The following IL4I1 variants were observed in gnomAD, a reference collection of about 807,000 sequenced individuals.
IL4I1 encodes the protein interleukin 4 induced 1.
A neutral mutation model predicts 29.7 loss-of-function variants in IL4I1; 24 were observed. The ratio of observed to expected loss-of-function variants is 0.81; its 90% CI spans 0.59 to 1.14. The LOEUF is 1.14. IL4I1 is among the 50% of genes most tolerant of loss of function. The pLI is 0.00. For missense variants in IL4I1, 686 were observed against 785.6 expected (o/e 0.87, Z 1.52); for synonymous variants, 371 against 352.5 (o/e 1.05, Z -0.59).
At chr19:49,910,412 C>T (rs865807265) in intron 2 of IL4I1, among the ~76,000 whole-genome samples, 15 of 152,222 alleles carry the variant, frequency 9.9e-5, no homozygotes, top group African/African-American at 3.4e-4. Context: ...CAGGCCCACA[C>T]CTGCACTCTC....
At chr19:49,911,530 G>A (rs943797046) in intron 2 of IL4I1, among the ~76,000 whole-genome samples, 1 of 152,042 alleles carries the variant, frequency 6.6e-6, no homozygotes, top group African/African-American at 2.4e-5. Context: ...TTGAGTAAGA[G>A]GCAACCTATC....
At chr19:49,919,838 TG>T (rs1216928637) in intron 2 of IL4I1, among the ~76,000 whole-genome samples, 2 of 152,230 alleles carry the variant, frequency 1.3e-5, no homozygotes, top group African/African-American at 2.4e-5. Context: ...AGGAATACTC[TG>T]GTGCCAAGGC....
At chr19:49,898,984 G>A (rs1413269818), upstream of IL4I1, among the ~76,000 whole-genome samples, 2 of 152,262 alleles carry the variant, frequency 1.3e-5, no homozygotes, top group Non-Finnish European at 2.9e-5. Flanking sequence ...GGGGCACAGA[G>A]AGGGGAAAAG....
At chr19:49,896,315 G>T (rs1269129423) in intron 1 of IL4I1, 133 bp from the exon 2 acceptor site, 2 of 1,130,528 alleles carry the variant, frequency 1.8e-6, no homozygotes, top group Non-Finnish European at 2.5e-6. Context: ...CTGGACCTGT[G>T]TCCCCTAACC....
intron 2 of IL4I1, among the ~76,000 whole-genome samples, chr19:49,910,463 A>G (rs1431826314): frequency 6.6e-6 from 1 of 152,098 alleles, no homozygotes; most frequent in Non-Finnish European, 1.5e-5. Flanking sequence ...CTCCTAACTC[A>G]GGGGAGGGTC....
chr19:49,916,499 C>T (rs1438967933), intron 2 of IL4I1, among the ~76,000 whole-genome samples: 18 of 150,824 alleles, frequency 1.2e-4, no homozygotes, highest in Admixed American at 7.9e-4. Context: ...TTAGGCCAGG[C>T]GCGGTGGCTC....
chr19:49,894,310 C>G lies in IL4I1; in HGVS notation c.525G>C (p.Lys175Asn), dbSNP rs1568685792. 6.2e-7 allele frequency: 1 copy of G among 1,614,194 alleles called. No individual in the cohort carries two copies. The highest frequency in any genetic ancestry group is 8.5e-7 in the Non-Finnish European group (1 of 1,180,026). Residue 175 changes from lysine (K) to asparagine (N), a missense_variant, in exon 5 of 8, where the codon AAG becomes AAC. Transcript: ENST00000391826. ...GGTAGATGTCTTCGGGCGAGTGGCC[C>G]TTTTCCTGGGGACGCAAGGCGTAGC... is the stretch of plus-strand genomic sequence containing the variant. ...KLGYALRPQE[K>N]GHSPEDIYQM...
chr19:49,919,299 C>G (rs2075707024), intron 2 of IL4I1, among the ~76,000 whole-genome samples: 1 of 152,230 alleles, frequency 6.6e-6, no homozygotes, highest in Admixed American at 6.5e-5. Context: ...TGCTGTTGCA[C>G]ATCTTTGCAG....
chr19:49,907,198 A>G (rs571708629), intron 2 of IL4I1: 76 of 216,984 alleles, frequency 3.5e-4, no homozygotes, highest in African/African-American at 1.8e-3. Flanking sequence ...CTAGCACAGG[A>G]TAGCATAACA....
In IL4I1 at chr19:49,895,261, C is replaced by T. The variant is rs574207916; in HGVS notation, c.253-81G>A. The T allele has an allele frequency of 3.0e-4, 343 of 1,134,406 alleles. 4 individuals carry two copies. The South Asian group carries it at 4.4e-3, about 15-fold the overall frequency. 70.3% of individuals were successfully genotyped at this position (1,134,406 alleles called of 1,614,324 possible). A position where few individuals can be genotyped will look rare whatever the true frequency, so the allele number is the denominator to read the frequency against. The stretch of plus-strand genomic sequence containing the variant: ...CTGCCCTCTACCACCCCGTGCCAGC[C>T]CCCTGCCTTCTTCCATCCCCACAGT... On this transcript the variant is annotated intron_variant, in intron 3 of 7. Transcript: ENST00000391826.
At chr19:49,909,505 G>A (rs776009657) in intron 2 of IL4I1, 4 of 1,614,158 alleles carry the variant, frequency 2.5e-6, no homozygotes, top group Non-Finnish European at 3.4e-6. Flanking sequence ...TGGCAGCTGT[G>A]TTGCTCAAGT....
intron 2 of IL4I1, among the ~76,000 whole-genome samples, chr19:49,912,167 T>A (rs1247890733): frequency 5.4e-5 from 1 of 18,534 alleles, no homozygotes; most frequent in Non-Finnish European, 1.6e-4. Context: ...ACAGTTCACC[T>A]TTTTTTTTTT....
upstream of IL4I1, among the ~76,000 whole-genome samples, chr19:49,898,961 A>G (rs913638959): frequency 5.3e-5 from 8 of 152,328 alleles, no homozygotes; most frequent in Middle Eastern, 3.4e-3. Flanking sequence ...AGAGGGTGGG[A>G]CAGGAGGACC....
Position 49,891,266 on chromosome 19 carries a change from G to A in IL4I1, c.636+139C>T. The A allele has an allele frequency of 2.1e-6, 3 of 1,400,484 alleles. No homozygotes were observed. The South Asian group carries it at 3.8e-5, about 18-fold the overall frequency. 86.8% of individuals were successfully genotyped at this position (1,400,484 alleles called of 1,614,324 possible). On this transcript the variant is annotated intron_variant, in intron 6 of 7. Coordinates refer to ENST00000391826, the MANE Select transcript of IL4I1 (RefSeq NM_152899.2). ...GAGGGAAACGGAGGTCCAGACAGGGGGCGTGTCCAGCCCCCGGGTCAGGCA... is the reference window on the plus strand; with the variant it reads ...GAGGGAAACGGAGGTCCAGACAGGGAGCGTGTCCAGCCCCCGGGTCAGGCA...
At chr19:49,914,730 T>TTTG (rs2075577957) in intron 2 of IL4I1, among the ~76,000 whole-genome samples, 1 of 94,688 alleles carries the variant, frequency 1.1e-5, no homozygotes, top group Non-Finnish European at 2.1e-5. Context: ...GTCCCAGTTT[T>TTTG]TTTTTTTTTT....
intron 2 of IL4I1, among the ~76,000 whole-genome samples, chr19:49,917,369 C>T (rs754880930): frequency 2.6e-5 from 4 of 152,222 alleles, no homozygotes; most frequent in Admixed American, 6.5e-5. Flanking sequence ...GCTTCTTAAC[C>T]GTCTCCTGAA....
chr19:49,914,726 GTTTTTTTTTTTTTTTTTTT>G (rs530372497), intron 2 of IL4I1, among the ~76,000 whole-genome samples: 1 of 56,362 alleles, frequency 1.8e-5, no homozygotes, highest in Admixed American at 2.8e-4. Context: ...CCAAGTCCCA[GTTTTTTTTTTTTTTTTTTT>G]TTTTTTTTTT....
Position 49,891,012 on chromosome 19 carries a change from G to C in IL4I1, c.732C>G (p.Ala244=), listed in dbSNP as rs140238257. The change falls in exon 7 of 8, where the codon GCC becomes GCG. Residue 244 remains alanine (A), a synonymous_variant. Transcript: ENST00000391826. ...GGCAGCTGTGGGCCCGGAGGGCCTC[G>C]GCGAAGCTGAGATAGAAGAAGCCAT... ...SEDGFFYLSF[A]EALRAHSCLS... 1.2e-6 allele frequency: 2 copies of C among 1,605,818 alleles called. No homozygotes were observed. Among genetic ancestry groups the C allele is most frequent in the South Asian group, 1.1e-5 (1 of 90,842 alleles).
intron 2 of IL4I1, among the ~76,000 whole-genome samples, chr19:49,924,182 GA>G: frequency 6.6e-6 from 1 of 152,318 alleles, no homozygotes; most frequent in Middle Eastern, 3.4e-3. Context: ...CAGCATGGTG[GA>G]GGCTGAGGTC....
Sources: allele counts gnomAD v4.1 joint callset (sites outside exome capture counted in the v4.1 genomes callset), GRCh38; gene constraint gnomAD v4.1.1; transcripts MANE v1.5; gene names NCBI Gene and HGNC (gene_info 2026-07-23, HGNC 2026-07-21).